The following COL9A1 variants were observed in gnomAD, a reference collection of about 807,000 sequenced individuals.
The protein encoded by COL9A1 is collagen type IX alpha 1 chain.
COL9A1 carries 104 observed loss-of-function variants against 142.6 expected under a neutral mutation model. That is an observed-to-expected ratio of 0.73 (90% CI 0.62 to 0.86). The LOEUF is 0.86. Among genes scored for constraint, COL9A1 ranks in the 40% least tolerant of loss-of-function variants. The pLI is 0.00. For synonymous variants in COL9A1, 466 were observed against 396.0 expected (o/e 1.18, Z -2.10); for missense variants, 1,210 against 1,176.6 (o/e 1.03, Z -0.42).
At chr6:70,270,283 C>A (rs1011869072) in intron 15 of COL9A1, 31 bp downstream of exon 15, 4 of 1,607,106 alleles carry the variant, frequency 2.5e-6, no homozygotes, top group East Asian at 4.5e-5. Flanking sequence ...CTCTCAGACA[C>A]AAACAGAAAT....
chr6:70,241,326 T>C, intron 31 of COL9A1, 93 bp downstream of exon 31: 1 of 1,043,260 alleles, frequency 9.6e-7, no homozygotes, highest in Non-Finnish European at 1.5e-6. Context: ...CTTCATGGTT[T>C]TATTAACCCC....
At chr6:70,261,397 C>A (rs1318478035) in intron 19 of COL9A1, among the ~76,000 whole-genome samples, 1 of 152,122 alleles carries the variant, frequency 6.6e-6, no homozygotes, top group African/African-American at 2.4e-5. Context: ...TAGGAGGGAT[C>A]CAGAAATGGA....
At position 70,243,194 on chromosome 6, in the gene COL9A1, T is replaced by A. The variant is rs191926734; in HGVS notation, c.1873-479A>T. Among the ~76,000 whole-genome samples the A allele has an allele frequency of 4.6e-5, 7 of 152,366 alleles. No individual in the cohort carries two copies. In the East Asian group the frequency reaches 1.3e-3, roughly 29 times the overall value. Reference sequence around the variant, plus strand: ...AACACATAATAGATATGTTTGCCTTTAAATTACTATTGCAACTTCAAAAAG... The same window carrying A: ...AACACATAATAGATATGTTTGCCTTAAAATTACTATTGCAACTTCAAAAAG... On this transcript the variant is annotated intron_variant, in intron 28 of 37. Transcript: ENST00000357250.
chr6:70,251,515 C>A (rs1770942522), intron 28 of COL9A1, among the ~76,000 whole-genome samples: 1 of 152,150 alleles, frequency 6.6e-6, no homozygotes, highest in South Asian at 2.1e-4. Context: ...CCACTGCACC[C>A]CAACCTGGGT....
chr6:70,243,926 A>G lies in COL9A1; in HGVS notation c.1873-1211T>C, dbSNP rs574360206. Among the ~76,000 whole-genome samples the G allele has an allele frequency of 5.9e-5, 9 of 152,332 alleles. No homozygotes were observed. In the South Asian group the frequency reaches 1.9e-3, roughly 32 times the overall value. ...GGAAGGTGCATATAAAAATGAAAGGAGTCCTTTAAGTTAATTTTTCTGTAA... is the reference window on the plus strand; with the variant it reads ...GGAAGGTGCATATAAAAATGAAAGGGGTCCTTTAAGTTAATTTTTCTGTAA... On this transcript the variant is annotated intron_variant, in intron 28 of 37. Transcript: ENST00000357250.
intron 21 of COL9A1, among the ~76,000 whole-genome samples, chr6:70,255,757 T>C (rs1771244178): frequency 6.6e-6 from 1 of 152,208 alleles, no homozygotes; most frequent in African/African-American, 2.4e-5. Flanking sequence ...TAGTTGCCAA[T>C]CTTTCCCTCA....
rs1773109150 is a variant in COL9A1, at chr6:70,280,841, G to GAGCTCCTGGCTTTCCCGGTTCACCTGC, written c.919_945dup (p.Ala307_Ala315dup). The GAGCTCCTGGCTTTCCCGGTTCACCTGC allele has an allele frequency of 6.2e-7, 1 of 1,613,304 alleles. No individual in the cohort carries two copies. Among genetic ancestry groups the GAGCTCCTGGCTTTCCCGGTTCACCTGC allele is most frequent in the African/African-American group, 1.3e-5 (1 of 74,920 alleles). On this transcript the variant is annotated inframe_insertion, in exon 10 of 38. Coordinates refer to ENST00000357250, the MANE Select transcript of COL9A1 (RefSeq NM_001851.6). ...GCGCCAGGTGTGCCAGGCTTGCCTG[G>GAGCTCCTGGCTTTCCCGGTTCACCTGC]AGCTCCTGGCTTTCCCGGTTCACCT...
intron 18 of COL9A1, among the ~76,000 whole-genome samples, chr6:70,264,307 A>G (rs1488041814): frequency 6.6e-6 from 1 of 152,094 alleles, no homozygotes; most frequent in Non-Finnish European, 1.5e-5. Context: ...ACTGCATTAA[A>G]TTAATAAATT....
Position 70,232,649 on chromosome 6 carries a change from T to A in COL9A1, c.2437A>T (p.Met813Leu). The A allele has an allele frequency of 6.2e-7, 1 of 1,614,098 alleles. No homozygotes were observed. Among genetic ancestry groups the A allele is most frequent in the Non-Finnish European group, 8.5e-7 (1 of 1,180,032 alleles). ...PPGENGFPGQ[M>L]GIRGLPGIKG... ...ATGCCCGGAAGGCCACGAATTCCCA[T>A]CTGGCCTGGGAAACCATTCTCTCCA... Residue 813 changes from methionine (M) to leucine (L), a missense_variant, in exon 36 of 38, where the codon ATG becomes TTG. Physicochemically the swap from Met to Leu is conservative, Grantham distance 15. Coordinates refer to ENST00000357250, the MANE Select transcript of COL9A1 (RefSeq NM_001851.6).
intron 20 of COL9A1, among the ~76,000 whole-genome samples, chr6:70,257,051 T>A (rs919441241): frequency 1.0e-4 from 6 of 59,268 alleles, no homozygotes; most frequent in Non-Finnish European, 2.4e-4. Context: ...CTCTGTAATT[T>A]TTTTTTTTTT....
intron 37 of COL9A1, among the ~76,000 whole-genome samples, chr6:70,224,731 T>C (rs1769119288): frequency 6.6e-6 from 1 of 152,202 alleles, no homozygotes; most frequent in South Asian, 2.1e-4. Context: ...TTACCGTATA[T>C]TAAAATCTTC....
chr6:70,291,589 T>C (rs1175810165), intron 5 of COL9A1, among the ~76,000 whole-genome samples: 1 of 152,194 alleles, frequency 6.6e-6, no homozygotes, highest in African/African-American at 2.4e-5. Flanking sequence ...GCCCAATATT[T>C]ACATACTCAA....
chr6:70,279,739 C>T (rs1311387332), intron 10 of COL9A1: 2 of 374,820 alleles, frequency 5.3e-6, no homozygotes, highest in Non-Finnish European at 9.6e-6. Flanking sequence ...TATGGGAATC[C>T]CGACAAAGAA....
At chr6:70,283,197 C>T (rs549040392) in intron 6 of COL9A1, 2 of 1,471,082 alleles carry the variant, frequency 1.4e-6, no homozygotes, top group African/African-American at 1.4e-5. Flanking sequence ...CGTCCAGGCC[C>T]GGGAGGCGCG....
chr6:70,283,317 G>A (rs978962845), intron 6 of COL9A1: 27 of 1,231,748 alleles, frequency 2.2e-5, no homozygotes, highest in East Asian at 1.5e-4. Flanking sequence ...CCCCTTCCCT[G>A]CCGCCGCACA....
chr6:70,294,443 C>T lies in COL9A1; in HGVS notation c.420G>A (p.Glu140=), dbSNP rs748783496. The part of the protein sequence containing the change: ...IWQIQDSSGK[E]QVGIKINGQT... ...GGCCATTAATCTTTATGCCAACTTGCTCCTTCCCAGAGGAATCCTGAATCT... is the reference window on the plus strand; with the variant it reads ...GGCCATTAATCTTTATGCCAACTTGTTCCTTCCCAGAGGAATCCTGAATCT... Residue 140 remains glutamate (E), a synonymous_variant, in exon 5 of 38, where the codon GAG becomes GAA. Transcript: ENST00000357250. 3 of 1,614,126 alleles carry T rather than the reference C, an allele frequency of 1.9e-6. No homozygotes were observed. Among genetic ancestry groups the T allele is most frequent in the South Asian group, 1.1e-5 (1 of 91,076 alleles).
intron 19 of COL9A1, 87 bp downstream of exon 19, chr6:70,263,157 A>C (rs1389652963): frequency 9.2e-7 from 1 of 1,092,420 alleles, no homozygotes; most frequent in African/African-American, 1.6e-5. Flanking sequence ...CTATTCATCC[A>C]ACTGCTAAAT....
chr6:70,235,400 C>T (rs745808271), intron 33 of COL9A1, among the ~76,000 whole-genome samples: 7 of 152,074 alleles, frequency 4.6e-5, no homozygotes, highest in Non-Finnish European at 7.4e-5. Context: ...TTGCAGTAAG[C>T]GGAGATCGTG....
At chr6:70,243,102 A>T (rs1770370239) in intron 28 of COL9A1, among the ~76,000 whole-genome samples, 1 of 152,242 alleles carries the variant, frequency 6.6e-6, no homozygotes, top group Non-Finnish European at 1.5e-5. Context: ...ATAAATTCTC[A>T]GGTCTACAGA....
Sources: gnomAD v4.1 joint callset for allele counts (sites outside exome capture counted in the v4.1 genomes callset) on GRCh38, gnomAD v4.1.1 for gene constraint, MANE v1.5 for transcripts, NCBI Gene and HGNC (gene_info 2026-07-23, HGNC 2026-07-21) for gene names.